The following GEMIN5 variants were observed in gnomAD, a reference collection of about 807,000 sequenced individuals.
The protein encoded by GEMIN5 is gem-associated protein 5.
Under a neutral mutation model 176.9 loss-of-function variants are expected in GEMIN5, and 124 were observed. The ratio of observed to expected loss-of-function variants is 0.70; its 90% CI spans 0.61 to 0.81. The LOEUF is 0.81. Ranked by LOEUF, GEMIN5 falls within the 40% of genes least tolerant of loss-of-function variation. The pLI is 0.00. For missense variants in GEMIN5, 1,843 were observed against 1,814.6 expected (o/e 1.02, Z -0.28); for synonymous variants, 673 against 665.2 (o/e 1.01, Z -0.18).
chr5:154,909,896 T>C (rs1162233376), intron 15 of GEMIN5, among the ~76,000 whole-genome samples: 2 of 152,030 alleles, frequency 1.3e-5, no homozygotes, highest in Non-Finnish European at 2.9e-5. Flanking sequence ...GGAGAATTGT[T>C]TGAACCTGTG....
chr5:154,890,086 A>G (rs1343613886), intron 26 of GEMIN5, among the ~76,000 whole-genome samples: 1 of 152,182 alleles, frequency 6.6e-6, no homozygotes, highest in African/African-American at 2.4e-5. Context: ...ATTCCCACCA[A>G]TAGGCACAAG....
intron 3 of GEMIN5, 131 bp downstream of exon 3, chr5:154,935,710 G>A: frequency 1.6e-6 from 1 of 633,048 alleles, no homozygotes; most frequent in Non-Finnish European, 2.8e-6. Flanking sequence ...ATGATGCCAG[G>A]GGCTCAGGGG....
At chr5:154,901,246 G>A in intron 21 of GEMIN5, 93 bp downstream of exon 21, 1 of 1,217,116 alleles carries the variant, frequency 8.2e-7, no homozygotes, top group Non-Finnish European at 1.2e-6. Context: ...CAGGAGGACT[G>A]TTTCTTCTAT....
At chr5:154,910,391 T>A (rs888554457) in intron 15 of GEMIN5, among the ~76,000 whole-genome samples, 1 of 152,190 alleles carries the variant, frequency 6.6e-6, no homozygotes. Flanking sequence ...GCTCAAGCCA[T>A]CCTCCTGCCT....
chr5:154,893,084 G>T (rs1166030716), intron 24 of GEMIN5, among the ~76,000 whole-genome samples: 2 of 151,134 alleles, frequency 1.3e-5, no homozygotes, highest in African/African-American at 2.4e-5. Context: ...GCATGAGAGT[G>T]AGACTCCCTC....
chr5:154,888,238 C>T lies in GEMIN5; in HGVS notation c.4499G>A (p.Arg1500Lys), dbSNP rs778196566. The change falls in exon 28 of 28, where the codon AGA becomes AAA. Residue 1500 changes from arginine to lysine, a missense_variant. Physicochemically the swap from Arg to Lys is conservative, Grantham distance 26 (BLOSUM62 2). Transcript: ENST00000285873. ...CATACAGAAGGTCTGGCAGTGTCTT[C>T]TGTAAGTTTTCGTGTTGCCGTATTT... ...LQKYGNTKTY[R>K]RHCQTFCM 9.9e-6 allele frequency: 16 copies of T among 1,614,054 alleles called. No individual in the cohort carries two copies. The Admixed American group carries it at 2.7e-4, about 27-fold the overall frequency.
At chr5:154,931,411 C>A in intron 5 of GEMIN5, 47 bp downstream of exon 5, 2 of 1,556,634 alleles carry the variant, frequency 1.3e-6, no homozygotes, top group Non-Finnish European at 8.8e-7. Flanking sequence ...CCCTCTACTT[C>A]CACCAGATCA....
intron 7 of GEMIN5, 52 bp from the exon 8 acceptor site, chr5:154,926,126 GAA>G: frequency 4.2e-6 from 5 of 1,177,864 alleles, no homozygotes; most frequent in Non-Finnish European, 6.3e-6. Context: ...AGAGAAATAG[GAA>G]AAAAAACCTG....
chr5:154,920,205 G>T (rs745596266), intron 10 of GEMIN5, 102 bp from the exon 11 acceptor site: 1 of 799,188 alleles, frequency 1.3e-6, no homozygotes, highest in Non-Finnish European at 1.9e-6. Context: ...TGTTTTAAAA[G>T]AACTATATAT....
Position 154,919,974 on chromosome 5 carries a change from G to T in GEMIN5, c.1592C>A (p.Ser531Ter), listed in dbSNP as rs1412492241. ...DINKLIRDTN[S>*]IKYKLPVHTE... ...AGGACCACAAGAACTCACTTTGATT[G>T]AATTGGTGTCCCTGATGAGTTTGTT... The change falls in exon 11 of 28, where the codon TCA becomes TAA. Residue 531 changes from serine to a stop codon, truncating the protein, a stop_gained. Coordinates refer to ENST00000285873, the MANE Select transcript of GEMIN5 (RefSeq NM_015465.5). LOFTEE classifies it high-confidence loss of function. The T allele has an allele frequency of 6.2e-7, 1 of 1,613,304 alleles. No homozygotes were observed.
intron 24 of GEMIN5, 160 bp from the exon 25 acceptor site, chr5:154,892,709 G>A (rs749129236): frequency 1.1e-5 from 7 of 638,968 alleles, no homozygotes; most frequent in South Asian, 2.0e-5. Context: ...TTCCCACATC[G>A]GAAACTCTCA....
Position 154,907,785 on chromosome 5 carries a change from A to G in GEMIN5, c.2201T>C (p.Leu734Pro). 1 of 1,613,758 alleles carries G rather than the reference A, an allele frequency of 6.2e-7. No individual in the cohort carries two copies. The highest frequency in any genetic ancestry group is 8.5e-7 in the Non-Finnish European group (1 of 1,179,918). The change falls in exon 16 of 28, where the codon CTC becomes CCC. Residue 734 changes from leucine to proline, a missense_variant. Transcript: ENST00000285873. ...KKSIELEKKR[L>P]SQPKAKPKKK... ...TTTGGGCTTTGCCTTAGGTTGAGAG[A>G]GCCGTTTTTTCTCCAATTCAATACT...
Position 154,902,523 on chromosome 5 carries a change from C to T in GEMIN5, c.2866+16G>A. The T allele has an allele frequency of 6.2e-7, 1 of 1,613,092 alleles. No homozygotes were observed. Among genetic ancestry groups the T allele is most frequent in the South Asian group, 1.1e-5 (1 of 90,946 alleles). Reference sequence around the variant, plus strand: ...TAGAGCTTTTGTTGAAAAGAACAAACAAACAAAAACCATACCTGCTGGTGC... The same window carrying T: ...TAGAGCTTTTGTTGAAAAGAACAAATAAACAAAAACCATACCTGCTGGTGC... On this transcript the variant is annotated intron_variant, in intron 20 of 27. Coordinates refer to ENST00000285873, the MANE Select transcript of GEMIN5 (RefSeq NM_015465.5).
At chr5:154,904,473 A>T in intron 18 of GEMIN5, 34 bp downstream of exon 18, 1 of 1,598,672 alleles carries the variant, frequency 6.3e-7, no homozygotes, top group Non-Finnish European at 8.6e-7. Context: ...GTCCCGGAAG[A>T]CTATGGATGG....
intron 5 of GEMIN5, among the ~76,000 whole-genome samples, chr5:154,931,071 C>A (rs1764151774): frequency 6.6e-6 from 1 of 152,184 alleles, no homozygotes; most frequent in Admixed American, 6.5e-5. Context: ...TAATTCTATG[C>A]TGGGTGTATG....
chr5:154,920,448 G>T (rs1763901223), intron 10 of GEMIN5, among the ~76,000 whole-genome samples: 1 of 152,164 alleles, frequency 6.6e-6, no homozygotes, highest in Admixed American at 6.5e-5. Context: ...TTTTCTTCCA[G>T]AAATGAGTAC....
At chr5:154,931,376 C>T (rs1026911328) in intron 5 of GEMIN5, 82 bp downstream of exon 5, 2 of 1,382,164 alleles carry the variant, frequency 1.4e-6, no homozygotes, top group African/African-American at 2.9e-5. Flanking sequence ...AGATGACACA[C>T]CCTCAGGACA....
At chr5:154,889,569 C>T in intron 26 of GEMIN5, 152 bp from the exon 27 acceptor site, 2 of 506,300 alleles carry the variant, frequency 4.0e-6, no homozygotes, top group Non-Finnish European at 7.1e-6. Flanking sequence ...TAAATAAATT[C>T]ATAATGTGGT....
Position 154,905,444 on chromosome 5 carries a change from A to C in GEMIN5, c.2428T>G (p.Ser810Ala). The change falls in exon 17 of 28, where the codon TCC (serine) becomes GCC (alanine). Residue 810 changes from serine to alanine, a missense_variant. By Grantham distance (99) the Ser-to-Ala change is moderately conservative. Transcript: ENST00000285873. ...ACTTTTGACTTTTCAAAGCCTGAGGAAACTGGAGTGCAGATAACTGGTTCT... is the reference window on the plus strand; with the variant it reads ...ACTTTTGACTTTTCAAAGCCTGAGGCAACTGGAGTGCAGATAACTGGTTCT... Reference protein sequence around the residue: ...SREPVICTPVSSGFEKSKVTI... With the variant: ...SREPVICTPVASGFEKSKVTI... 1 of 1,604,286 alleles carries C rather than the reference A, an allele frequency of 6.2e-7. No individual in the cohort carries two copies. Among genetic ancestry groups the C allele is most frequent in the Non-Finnish European group, 8.5e-7 (1 of 1,173,118 alleles).
Sources: gnomAD v4.1 joint callset for allele counts (sites outside exome capture counted in the v4.1 genomes callset) on GRCh38, gnomAD v4.1.1 for gene constraint, MANE v1.5 for transcripts, NCBI Gene and HGNC (gene_info 2026-07-23, HGNC 2026-07-21) for gene names.